The following PCDHGA4 variants were observed in gnomAD, a reference collection of about 807,000 sequenced individuals.
PCDHGA4 encodes the protein protocadherin gamma subfamily A, 4.
Under a neutral mutation model 54.6 loss-of-function variants are expected in PCDHGA4, and 38 were observed. The ratio of observed to expected loss-of-function variants is 0.70; its 90% CI spans 0.54 to 0.91. The LOEUF (loss-of-function observed/expected upper bound fraction) is 0.91, where lower values mean the gene tolerates loss of function less well. PCDHGA4 is among the 40% of genes least tolerant of loss of function. The pLI is 0.00. For missense variants in PCDHGA4, 1,298 were observed against 1,220.9 expected (o/e 1.06, Z -0.94); for synonymous variants, 511 against 512.9 (o/e 1.00, Z 0.05).
intron 1 of PCDHGA4, chr5:141,395,506 G>T: frequency 4.6e-6 from 2 of 433,794 alleles, no homozygotes; most frequent in Non-Finnish European, 8.1e-6. Flanking sequence ...CACTTAAGAA[G>T]TAGCTACCCG....
rs1165142153 is a variant in PCDHGA4 at position 141,402,786 on chromosome 5, G to A, written c.2514+45165G>A. On this transcript the variant is annotated intron_variant, in intron 1 of 3. Transcript: ENST00000571252. ...ACTCCATCCGGATTTCCAGTTCTGC[G>A]GCTACACAAAACCCGGCAGATACCA... 3.3e-6 allele frequency: 3 copies of A among 907,574 alleles called. No homozygotes were observed. The African/African-American group carries it at 5.0e-5, about 15-fold the overall frequency. 56.2% of individuals were successfully genotyped at this position (907,574 alleles called of 1,614,324 possible).
chr5:141,410,909 A>G lies in PCDHGA4; in HGVS notation c.2514+53288A>G, dbSNP rs183334545. Reference sequence around the variant, plus strand: ...CGCACTGTTGCCTAGGCTGGAGTGCAGTGGCGTGATCTCTGCTCACTGCAA... The same window carrying G: ...CGCACTGTTGCCTAGGCTGGAGTGCGGTGGCGTGATCTCTGCTCACTGCAA... On this transcript the variant is annotated intron_variant, in intron 1 of 3. Coordinates refer to ENST00000571252, the MANE Select transcript of PCDHGA4 (RefSeq NM_018917.4). 188 of 259,978 alleles carry G rather than the reference A, an allele frequency of 7.2e-4. 1 individual carries two copies. Among genetic ancestry groups the G allele is most frequent in the African/African-American group, 5.3e-3 (172 of 32,394 alleles). The allele number at this position is 259,978 out of a possible 1,614,324, so 16.1% of individuals were successfully genotyped here.
rs770189453 is a variant in PCDHGA4, at chr5:141,356,200, C to T, written c.1093C>T (p.Leu365=). Residue 365 remains leucine (L), a synonymous_variant, in exon 1 of 4, where the codon CTG becomes TTG. Transcript: ENST00000571252. ...GPGLRARSKV[L]VTVLDENDNA... Reference sequence around the variant, plus strand: ...TGGTCTCCGAGCTAGAAGCAAGGTACTGGTGACAGTTCTGGATGAAAATGA... The same window carrying T: ...TGGTCTCCGAGCTAGAAGCAAGGTATTGGTGACAGTTCTGGATGAAAATGA... 6.2e-7 allele frequency: 1 copy of T among 1,608,202 alleles called. No individual in the cohort carries two copies. The highest frequency in any genetic ancestry group is 1.3e-5 in the African/African-American group (1 of 74,828).
At chr5:141,372,218 T>A (rs1370078185) in intron 1 of PCDHGA4, 10 of 1,613,426 alleles carry the variant, frequency 6.2e-6, no homozygotes, top group East Asian at 4.5e-5. Context: ...CCTACCACAT[T>A]GTGCAGGCCA....
intron 1 of PCDHGA4, chr5:141,385,966 G>T (rs968695297): frequency 6.6e-6 from 1 of 152,176 alleles, no homozygotes. Context: ...AAGGCCATCG[G>T]ACAAAACCAA....
chr5:141,427,428 T>C (rs1489623330), intron 1 of PCDHGA4: 3 of 470,472 alleles, frequency 6.4e-6, no homozygotes, highest in Admixed American at 4.7e-5. Context: ...GGAGGTTACA[T>C]GCCTCATAAA....
intron 1 of PCDHGA4, chr5:141,365,732 G>T: frequency 6.2e-7 from 1 of 1,613,694 alleles, no homozygotes; most frequent in Non-Finnish European, 8.5e-7. Context: ...CAATCCCAGA[G>T]GTGTCTCTAT....
At chr5:141,378,945 G>A (rs1775265317) in intron 1 of PCDHGA4, 1 of 152,196 alleles carries the variant, frequency 6.6e-6, no homozygotes, top group Admixed American at 6.5e-5. Context: ...TGGAATGAAT[G>A]GAGTACAGGG....
At chr5:141,371,313 C>A in intron 1 of PCDHGA4, 2 of 1,613,964 alleles carry the variant, frequency 1.2e-6, no homozygotes, top group South Asian at 1.1e-5. Flanking sequence ...TATTGGAGAA[C>A]TGGACTTTGA....
Position 141,431,442 on chromosome 5 carries a change from T to G in PCDHGA4, c.2515-63365T>G. 6.2e-7 allele frequency: 1 copy of G among 1,613,746 alleles called. No individual in the cohort carries two copies. The highest frequency in any genetic ancestry group is 1.7e-5 in the Admixed American group (1 of 60,014). The stretch of plus-strand genomic sequence containing the variant: ...CCGGTGCGCACAGGCACCGCGCGCA[T>G]CCGCGTGATGGTTCTGGATGCGAAC... On this transcript the variant is annotated intron_variant, in intron 1 of 3. Coordinates refer to ENST00000571252, the MANE Select transcript of PCDHGA4 (RefSeq NM_018917.4). This position sits in a 1 kb window ranked among gnomAD's most constrained non-coding sequence, Gnocchi z 4.8.
At chr5:141,360,697 G>T in intron 1 of PCDHGA4, 5 of 1,613,976 alleles carry the variant, frequency 3.1e-6, no homozygotes, top group Non-Finnish European at 4.2e-6. Context: ...GACTCCAGAT[G>T]GTCGTAAATA....
chr5:141,387,829 G>T, intron 1 of PCDHGA4: 2 of 1,591,770 alleles, frequency 1.3e-6, no homozygotes, highest in South Asian at 2.3e-5. Flanking sequence ...CAATACAGAG[G>T]TTATTTGTAA....
At chr5:141,374,258 T>G (rs1770318137) in intron 1 of PCDHGA4, 2 of 1,613,806 alleles carry the variant, frequency 1.2e-6, no homozygotes, top group African/African-American at 1.3e-5. Flanking sequence ...GCCCCAGGAG[T>G]TGGCGGAGCA....
At chr5:141,462,596 A>G (rs1260411284) in intron 1 of PCDHGA4, among the ~76,000 whole-genome samples, 5 of 151,922 alleles carry the variant, frequency 3.3e-5, no homozygotes, top group African/African-American at 1.2e-4. Flanking sequence ...TTTCCATTTC[A>G]TATATTGTAT....
At chr5:141,468,403 A>C (rs2099166784) in intron 1 of PCDHGA4, 1 of 152,088 alleles carries the variant, frequency 6.6e-6, no homozygotes, top group African/African-American at 2.4e-5. Flanking sequence ...GGTGAGAACT[A>C]ATAATAAGTT....
At chr5:141,358,564 AGTGACTATGT>A (rs1760950785) in intron 1 of PCDHGA4, among the ~76,000 whole-genome samples, 1 of 152,222 alleles carries the variant, frequency 6.6e-6, no homozygotes, top group African/African-American at 2.4e-5. Context: ...ATGCACCAGA[AGTGACTATGT>A]GTGATTCCTC....
At chr5:141,433,765 A>G (rs1389737053) in intron 1 of PCDHGA4, among the ~76,000 whole-genome samples, 1 of 148,692 alleles carries the variant, frequency 6.7e-6, no homozygotes, top group Non-Finnish European at 1.5e-5. Flanking sequence ...TTAACCTGGG[A>G]GGTGGAGGTT....
chr5:141,398,587 C>T, intron 1 of PCDHGA4: 5 of 1,613,860 alleles, frequency 3.1e-6, no homozygotes, highest in Non-Finnish European at 3.4e-6. Context: ...AAGATTTATA[C>T]TAGAAGTAGC....
chr5:141,364,426 C>T (rs1763319753), intron 1 of PCDHGA4: 1 of 1,613,566 alleles, frequency 6.2e-7, no homozygotes. Flanking sequence ...GGCAGATCCG[C>T]TACTCGATGC....
Sources: gnomAD v4.1 joint callset for allele counts (sites outside exome capture counted in the v4.1 genomes callset) on GRCh38, gnomAD v4.1.1 for gene constraint, Gnocchi (gnomAD v3.1) non-coding constraint, MANE v1.5 for transcripts, NCBI Gene and HGNC (gene_info 2026-07-23, HGNC 2026-07-21) for gene names.